KCNQ3: variants seen among roughly 807,000 people sequenced by gnomAD.
The protein encoded by KCNQ3 is potassium voltage-gated channel subfamily Q member 3.
A neutral mutation model predicts 92.5 loss-of-function variants in KCNQ3; 30 were observed. That is an observed-to-expected ratio of 0.32 (90% CI 0.24 to 0.44). KCNQ3 has a LOEUF of 0.44. Among genes scored for constraint, KCNQ3 ranks in the 20% least tolerant of loss-of-function variants. KCNQ3 has a pLI of 1.00. For missense variants in KCNQ3, 913 were observed against 1,140.3 expected (o/e 0.80, Z 2.87); for synonymous variants, 450 against 468.8 (o/e 0.96, Z 0.52).
intron 1 of KCNQ3, among the ~76,000 whole-genome samples, chr8:132,187,780 ATGG>A (rs1472323364): frequency 7.8e-6 from 1 of 127,828 alleles, no homozygotes; most frequent in Middle Eastern, 4.2e-3. Context: ...AGTGATAGTG[ATGG>A]TGGTGGCGGT....
At chr8:132,191,254 C>G (rs956253133) in intron 1 of KCNQ3, among the ~76,000 whole-genome samples, 1 of 152,122 alleles carries the variant, frequency 6.6e-6, no homozygotes, top group African/African-American at 2.4e-5. Context: ...TCAAGTGATC[C>G]TCCCATCTGT....
intron 4 of KCNQ3, among the ~76,000 whole-genome samples, chr8:132,179,243 C>G (rs763196906): frequency 3.3e-5 from 5 of 151,788 alleles, no homozygotes; most frequent in African/African-American, 4.8e-5. Flanking sequence ...TCTAAATGAA[C>G]TGGATTCTGG....
chr8:132,182,215 C>A (rs1826805889), intron 3 of KCNQ3, among the ~76,000 whole-genome samples: 1 of 152,136 alleles, frequency 6.6e-6, no homozygotes, highest in African/African-American at 2.4e-5. Flanking sequence ...ATTATCTGTG[C>A]AAACCTATCT....
intron 8 of KCNQ3, among the ~76,000 whole-genome samples, chr8:132,168,717 ATGTGTGTGTG>A (rs568659056): frequency 0.098 from 10,534 of 108,000 alleles, 511 homozygotes; most frequent in Middle Eastern, 0.16. Flanking sequence ...GATAATGAAT[ATGTGTGTGTG>A]TGTGTGTGTG....
At chr8:132,473,993 T>C (rs1173038312) in intron 1 of KCNQ3, among the ~76,000 whole-genome samples, 1 of 152,206 alleles carries the variant, frequency 6.6e-6, no homozygotes, top group Non-Finnish European at 1.5e-5. Flanking sequence ...GTATTTCTTG[T>C]GATCATTTTC....
At chr8:132,277,264 A>C (rs1816363525) in intron 1 of KCNQ3, among the ~76,000 whole-genome samples, 1 of 152,214 alleles carries the variant, frequency 6.6e-6, no homozygotes, top group African/African-American at 2.4e-5. Context: ...TTAAAGTCAC[A>C]CAGCTTTTAA....
rs926348611 is a variant in KCNQ3 at position 132,418,175 on chromosome 8, C to T, written c.386+61972G>A. On this transcript the variant is annotated intron_variant, in intron 1 of 14. Coordinates refer to ENST00000388996, the MANE Select transcript of KCNQ3 (RefSeq NM_004519.4). ...TATTACCCACACTGAGTGACCCACA[C>T]GAAAACAAGGAGGAAACAATTACTT... is the stretch of plus-strand genomic sequence containing the variant. Among the ~76,000 whole-genome samples, 6 of 152,100 alleles carry T rather than the reference C, an allele frequency of 3.9e-5. No homozygotes were observed. The South Asian group carries it at 8.3e-4, about 21-fold the overall frequency.
chr8:132,466,429 T>C (rs1455686633), intron 1 of KCNQ3, among the ~76,000 whole-genome samples: 1 of 152,122 alleles, frequency 6.6e-6, no homozygotes, highest in Non-Finnish European at 1.5e-5. Flanking sequence ...CTGCCAAAAG[T>C]AGCCTAAATG....
chr8:132,340,780 T>C (rs1818508367), intron 1 of KCNQ3, among the ~76,000 whole-genome samples: 1 of 152,082 alleles, frequency 6.6e-6, no homozygotes, highest in Non-Finnish European at 1.5e-5. Context: ...GAACTTAAAG[T>C]AAAATAAAAT....
intron 1 of KCNQ3, among the ~76,000 whole-genome samples, chr8:132,438,514 GAACCCAGAGGCCCTGGCCAGGCTCC>G (rs1821453398): frequency 2.0e-5 from 3 of 152,146 alleles, no homozygotes; most frequent in Admixed American, 2.0e-4. Flanking sequence ...GATGTGCTCA[GAACCCAGAGGCCCTGGCCAGGCTCC>G]TTACCCAAGG....
chr8:132,182,284 T>A (rs1457883754), intron 3 of KCNQ3, among the ~76,000 whole-genome samples: 1 of 152,160 alleles, frequency 6.6e-6, no homozygotes, highest in Non-Finnish European at 1.5e-5. Flanking sequence ...AACACTATGG[T>A]CTAAGACGCT....
At chr8:132,257,487 T>C (rs1306820921) in intron 1 of KCNQ3, among the ~76,000 whole-genome samples, 1 of 152,114 alleles carries the variant, frequency 6.6e-6, no homozygotes, top group African/African-American at 2.4e-5. Flanking sequence ...GGCTCATGCC[T>C]GTAATCCCAG....
intron 1 of KCNQ3, among the ~76,000 whole-genome samples, chr8:132,244,218 T>TTA (rs1815085444): frequency 6.6e-6 from 1 of 152,228 alleles, no homozygotes; most frequent in African/African-American, 2.4e-5. Flanking sequence ...TGAACTTGAA[T>TTA]TATAGTTTGA....
chr8:132,298,260 G>A (rs1158120052), intron 1 of KCNQ3, among the ~76,000 whole-genome samples: 2 of 152,138 alleles, frequency 1.3e-5, no homozygotes, highest in Admixed American at 1.3e-4. Context: ...GCATTCATGG[G>A]GTATGAGATT....
chr8:132,211,304 C>A (rs1307417503), intron 1 of KCNQ3, among the ~76,000 whole-genome samples: 2 of 152,212 alleles, frequency 1.3e-5, no homozygotes, highest in East Asian at 3.9e-4. Flanking sequence ...TTACACCCTT[C>A]CAGGTGAACT....
chr8:132,350,726 G>A (rs1473058466), intron 1 of KCNQ3, among the ~76,000 whole-genome samples: 2 of 152,136 alleles, frequency 1.3e-5, no homozygotes, highest in East Asian at 1.9e-4. Context: ...CCTCACGCAC[G>A]TGAGTCTTAG....
At chr8:132,190,876 T>C (rs1462363009) in intron 1 of KCNQ3, among the ~76,000 whole-genome samples, 2 of 152,228 alleles carry the variant, frequency 1.3e-5, no homozygotes, top group Admixed American at 1.3e-4. Flanking sequence ...AAGGGAGGTC[T>C]GGGCTGCATG....
chr8:132,184,321 A>G lies in KCNQ3; in HGVS notation c.524T>C (p.Ile175Thr). 1.2e-6 allele frequency: 2 copies of G among 1,614,166 alleles called. No homozygotes were observed. Among genetic ancestry groups the G allele is most frequent in the Non-Finnish European group, 1.7e-6 (2 of 1,180,036 alleles). Reference sequence around the variant, plus strand: ...TCGGCAGCAACATCCAGCAGCCCAGATCCTCAAAGCAAACTCGGCTCCAAA... The same window carrying G: ...TCGGCAGCAACATCCAGCAGCCCAGGTCCTCAAAGCAAACTCGGCTCCAAA... ...FIFGAEFALRIWAAGCCCRYK... is the reference protein window; with the variant it reads ...FIFGAEFALRTWAAGCCCRYK... The change falls in exon 3 of 15, where the codon ATC becomes ACC. Residue 175 changes from isoleucine to threonine, a missense_variant. Physicochemically the swap from Ile to Thr is moderately conservative, Grantham distance 89. This residue lies in a region of KCNQ3 where 100 missense variants were observed against 217.6 expected (regional missense o/e 0.46). Transcript: ENST00000388996.
intron 1 of KCNQ3, among the ~76,000 whole-genome samples, chr8:132,398,350 T>C (rs1031885047): frequency 1.3e-5 from 2 of 152,118 alleles, no homozygotes; most frequent in Admixed American, 1.3e-4. Flanking sequence ...GCATTTTATA[T>C]ATTTTATATA....
Sources: gnomAD v4.1 joint callset for allele counts (sites outside exome capture counted in the v4.1 genomes callset) on GRCh38, gnomAD v4.1.1 for gene constraint, gnomAD v4.1.1 regional missense constraint, MANE v1.5 for transcripts, NCBI Gene and HGNC (gene_info 2026-07-23, HGNC 2026-07-21) for gene names.